MAD2L2: variants seen among roughly 807,000 people sequenced by gnomAD.
MAD2L2 encodes the protein mitotic arrest deficient 2 like 2.
In MAD2L2, 17 loss-of-function variants were observed where a neutral mutation model predicts 30.5. That is an observed-to-expected ratio of 0.56 (90% CI 0.38 to 0.84). The LOEUF (loss-of-function observed/expected upper bound fraction) is 0.84, where lower values mean the gene tolerates loss of function less well. Among genes scored for constraint, MAD2L2 ranks in the 40% least tolerant of loss-of-function variants. The pLI is 0.00. For synonymous variants in MAD2L2, 101 were observed against 113.9 expected (o/e 0.89, Z 0.72); for missense variants, 213 against 277.4 (o/e 0.77, Z 1.65).
intron 3 of MAD2L2, among the ~76,000 whole-genome samples, chr1:11,679,083 G>C (rs926244393): frequency 6.6e-6 from 1 of 152,182 alleles, no homozygotes; most frequent in African/African-American, 2.4e-5. Flanking sequence ...AGAATCACTT[G>C]AACCCAGGAG....
upstream of MAD2L2, among the ~76,000 whole-genome samples, chr1:11,684,793 A>C (rs540720412): frequency 3.3e-5 from 5 of 152,288 alleles, no homozygotes; most frequent in East Asian, 9.6e-4. Context: ...TGAGACACAC[A>C]TAGCCTGGTG....
chr1:11,689,129 C>T (rs1641014555), intron 1 of MAD2L2, among the ~76,000 whole-genome samples: 1 of 152,046 alleles, frequency 6.6e-6, no homozygotes, highest in Admixed American at 6.5e-5. Flanking sequence ...AACCCTGTCT[C>T]TACTAAAAAT....
chr1:11,676,762 T>C, intron 5 of MAD2L2, 86 bp downstream of exon 5: 4 of 1,022,310 alleles, frequency 3.9e-6, no homozygotes, highest in Non-Finnish European at 6.1e-6. Flanking sequence ...TTTACCAAGG[T>C]ATTCAAGGGC....
At chr1:11,680,541 C>T in intron 2 of MAD2L2, 21 bp downstream of exon 2, 1 of 1,609,218 alleles carries the variant, frequency 6.2e-7, no homozygotes, top group South Asian at 1.1e-5. Flanking sequence ...GCCCCCGGGC[C>T]CGCAGGTCCA....
At chr1:11,677,671 A>C in intron 3 of MAD2L2, 57 bp from the exon 4 acceptor site, 2 of 1,457,182 alleles carry the variant, frequency 1.4e-6, no homozygotes, top group South Asian at 1.1e-5. Context: ...GAAACCACCC[A>C]ACACAACCAG....
intron 1 of MAD2L2, among the ~76,000 whole-genome samples, chr1:11,686,819 A>C (rs1019815535): frequency 1.3e-5 from 2 of 149,352 alleles, no homozygotes; most frequent in African/African-American, 5.1e-5. Flanking sequence ...AAAAAAAAAA[A>C]AAAAAAAAAA....
At chr1:11,689,334 G>A (rs1047066822) in intron 1 of MAD2L2, among the ~76,000 whole-genome samples, 1 of 147,102 alleles carries the variant, frequency 6.8e-6, no homozygotes, top group East Asian at 2.0e-4. Flanking sequence ...GCTGTAGCTC[G>A]AGCCTGTAAT....
rs1235422537 is a variant in MAD2L2, at chr1:11,681,067, T to TCGGGCC, written c.-47_-42dup. 3 of 152,642 alleles carry TCGGGCC rather than the reference T, an allele frequency of 2.0e-5. No homozygotes were observed. Among genetic ancestry groups the TCGGGCC allele is most frequent in the Admixed American group, 2.0e-4 (3 of 15,292 alleles). 9.5% of individuals were successfully genotyped at this position (152,642 alleles called of 1,614,324 possible). On this transcript the variant is annotated 5_prime_UTR_variant, in exon 1 of 9. Coordinates refer to ENST00000376692, the MANE Select transcript of MAD2L2 (RefSeq NM_006341.4). Reference sequence around the variant, plus strand: ...CTCTGCGCTCGGTTCCCGCCCGAGATCGGGCCCGGCCCCGCCGCGGGGAGC... The same window carrying TCGGGCC: ...CTCTGCGCTCGGTTCCCGCCCGAGATCGGGCCCGGGCCCGGCCCCGCCGCGGGGAGC...
intron 3 of MAD2L2, among the ~76,000 whole-genome samples, chr1:11,679,330 T>C (rs1490836056): frequency 1.3e-5 from 2 of 152,226 alleles, no homozygotes; most frequent in Non-Finnish European, 2.9e-5. Flanking sequence ...TCATGTTTCC[T>C]GAGTGCCTTC....
chr1:11,678,075 C>A (rs943572253), intron 3 of MAD2L2, among the ~76,000 whole-genome samples: 3 of 143,186 alleles, frequency 2.1e-5, no homozygotes, highest in Non-Finnish European at 3.0e-5. Context: ...AAAAAAAAAC[C>A]AGAGGCTAAG....
chr1:11,690,149 T>C lies in MAD2L2; in HGVS notation c.-692+1264A>G, dbSNP rs904089166. ...ACTAATCACCACCTGACATCATTTA[T>C]ATTTATTTGTTCACTTATCTTCTGT... is the stretch of plus-strand genomic sequence containing the variant. On this transcript the variant is annotated intron_variant, in intron 1 of 10. Transcript: ENST00000235310. The surrounding 1 kb of genome is among the most constrained non-coding windows in gnomAD (Gnocchi z 4.2). 6.6e-6 allele frequency among the ~76,000 whole-genome samples: 1 copy of C among 152,160 alleles called. No homozygotes were observed. The highest frequency in any genetic ancestry group is 1.5e-5 in the Non-Finnish European group (1 of 68,018).
At chr1:11,689,819 A>C (rs1328141939) in intron 1 of MAD2L2, among the ~76,000 whole-genome samples, 4 of 151,954 alleles carry the variant, frequency 2.6e-5, no homozygotes, top group African/African-American at 9.7e-5. Flanking sequence ...CCCTCTCCTG[A>C]GGTCTGGGTC....
In MAD2L2 at chr1:11,688,744, T is replaced by C. The variant is rs1641007058; in HGVS notation, c.-692+2669A>G. 6.6e-6 allele frequency among the ~76,000 whole-genome samples: 1 copy of C among 152,140 alleles called. No individual in the cohort carries two copies. The highest frequency in any genetic ancestry group is 1.5e-5 in the Non-Finnish European group (1 of 68,030). On this transcript the variant is annotated intron_variant, in intron 1 of 10. Coordinates refer to the MAD2L2 transcript ENST00000235310. The surrounding 1 kb of genome is among the most constrained non-coding windows in gnomAD (Gnocchi z 4.6). ...GAGTAGGGGCTGGGTCAAATGGGGTTGGGACTTGCTGGGCCATATTCCCAG... is the reference window on the plus strand; with the variant it reads ...GAGTAGGGGCTGGGTCAAATGGGGTCGGGACTTGCTGGGCCATATTCCCAG...
chr1:11,690,929 AGTGTGTGTGTGTGTGTGTTTGT>A lies in MAD2L2; in HGVS notation c.-692+462_-692+483del. ...CGTGGCGAGAGCCGCGCCGCGTGTG[AGTGTGTGTGTGTGTGTGTTTGT>A]GTGTGTGTGTATTGGGGCGGTTGTC... is the stretch of plus-strand genomic sequence containing the variant. On this transcript the variant is annotated intron_variant, in intron 1 of 10. Transcript: ENST00000235310. This position sits in a 1 kb window ranked among gnomAD's most constrained non-coding sequence, Gnocchi z 4.2. 6.6e-6 allele frequency among the ~76,000 whole-genome samples: 1 copy of A among 150,654 alleles called. No homozygotes were observed. Among genetic ancestry groups the A allele is most frequent in the African/African-American group, 2.4e-5 (1 of 41,020 alleles).
chr1:11,684,888 A>G (rs1479620469), upstream of MAD2L2, among the ~76,000 whole-genome samples: 1 of 151,362 alleles, frequency 6.6e-6, no homozygotes, highest in Non-Finnish European at 1.5e-5. Context: ...CATTATTTCA[A>G]TATAGTGCCT....
At chr1:11,683,397 GAAA>G (rs1222633420), upstream of MAD2L2, among the ~76,000 whole-genome samples, 10 of 152,220 alleles carry the variant, frequency 6.6e-5, no homozygotes, top group African/African-American at 2.4e-4. Context: ...CTGTCAACTA[GAAA>G]CCTGTGGATA....
At chr1:11,680,788 T>C in intron 1 of MAD2L2, 175 bp from the exon 2 acceptor site, 1 of 1,340,780 alleles carries the variant, frequency 7.5e-7, no homozygotes, top group Non-Finnish European at 9.5e-7. Context: ...CGTCCGTGCT[T>C]GGGGGCATCA....
Position 11,686,906 on chromosome 1 carries a change from T to C in MAD2L2, c.-692+4507A>G, listed in dbSNP as rs112142980. On this transcript the variant is annotated intron_variant, in intron 1 of 10. Coordinates refer to the MAD2L2 transcript ENST00000235310. The stretch of plus-strand genomic sequence containing the variant: ...GGGTACAATTCAGTGATTTTTAGTA[T>C]AGTTACAATGTTGTACATCGCTACT... Among the ~76,000 whole-genome samples, 37 of 152,080 alleles carry C rather than the reference T, an allele frequency of 2.4e-4. 2 individuals are homozygous for C. The highest frequency in any genetic ancestry group is 8.2e-4 in the African/African-American group (34 of 41,492).
At chr1:11,677,658 G>C in intron 3 of MAD2L2, 44 bp from the exon 4 acceptor site, 3 of 1,538,578 alleles carry the variant, frequency 1.9e-6, no homozygotes, top group Non-Finnish European at 2.7e-6. Context: ...AAGCACAGAT[G>C]GGGAAACCAC....
Sources: gnomAD v4.1 joint callset for allele counts (sites outside exome capture counted in the v4.1 genomes callset) on GRCh38, gnomAD v4.1.1 for gene constraint, Gnocchi (gnomAD v3.1) non-coding constraint, MANE v1.5 for transcripts, NCBI Gene and HGNC (gene_info 2026-07-23, HGNC 2026-07-21) for gene names.